CCDC14: variants seen among roughly 807,000 people sequenced by gnomAD.
The protein encoded by CCDC14 is coiled-coil domain containing 14.
In CCDC14, 71 loss-of-function variants were observed where a neutral mutation model predicts 81.4. That is an observed-to-expected ratio of 0.87 (90% confidence interval 0.72 to 1.06). The LOEUF is 1.06. Ranked by LOEUF, CCDC14 falls within the 50% of genes least tolerant of loss-of-function variation. CCDC14 has a pLI of 0.00. For synonymous variants in CCDC14, 332 were observed against 364.8 expected (o/e 0.91, Z 1.03); for missense variants, 1,046 against 1,047.3 (o/e 1.00, Z 0.02).
intron 12 of CCDC14, among the ~76,000 whole-genome samples, chr3:123,923,495 T>C (rs2148820192): frequency 6.6e-6 from 1 of 152,170 alleles, no homozygotes; most frequent in Non-Finnish European, 1.5e-5. Context: ...ATTGTCTGTT[T>C]GCTGACACGA....
chr3:123,886,823 T>A, the CCDC14 span, among the ~76,000 whole-genome samples: 1 of 152,204 alleles, frequency 6.6e-6, no homozygotes, highest in Non-Finnish European at 1.5e-5. Context: ...AATACTTCAT[T>A]TTTTTATATT....
intron 9 of CCDC14, among the ~76,000 whole-genome samples, chr3:123,938,247 C>A (rs771132948): frequency 2.0e-5 from 3 of 151,842 alleles, no homozygotes; most frequent in Non-Finnish European, 2.9e-5. Flanking sequence ...TTAAGTCTTA[C>A]ATTTATGGAT....
In CCDC14 at chr3:123,961,221, G is replaced by C. The variant is rs1400827357; in HGVS notation, c.-48C>G. On this transcript the variant is annotated 5_prime_UTR_variant, in exon 1 of 13. Transcript: ENST00000409697. Reference sequence around the variant, plus strand: ...CAGACCGAGGGAAGTGAAGCCTCACGGTAAAAAGAATTAACCGCCGTGGGC... The same window carrying C: ...CAGACCGAGGGAAGTGAAGCCTCACCGTAAAAAGAATTAACCGCCGTGGGC... The C allele has an allele frequency of 5.8e-6, 9 of 1,551,366 alleles. No individual in the cohort carries two copies. In the Admixed American group the frequency reaches 9.8e-5, roughly 17 times the overall value.
chr3:123,934,919 C>T (rs912702245), intron 9 of CCDC14, among the ~76,000 whole-genome samples: 3 of 151,980 alleles, frequency 2.0e-5, no homozygotes, highest in Admixed American at 6.6e-5. Flanking sequence ...ATCTTGAAGT[C>T]GGGAAGGCAT....
chr3:123,912,269 G>A (rs534437948), downstream of CCDC14, among the ~76,000 whole-genome samples: 36 of 152,256 alleles, frequency 2.4e-4, no homozygotes, highest in African/African-American at 8.2e-4. Flanking sequence ...CATCTGAAAG[G>A]GCTGAGAGGG....
At chr3:123,927,261 A>AG (rs778008625) in intron 12 of CCDC14, among the ~76,000 whole-genome samples, 29 of 151,374 alleles carry the variant, frequency 1.9e-4, no homozygotes, top group Non-Finnish European at 3.4e-4. Context: ...AAAAAAAAAA[A>AG]AAAAAAATAG....
At position 123,949,183 on chromosome 3, in the gene CCDC14, T is replaced by A. The variant is rs1332459824; in HGVS notation, c.353-51A>T. The A allele has an allele frequency of 2.6e-6, 3 of 1,164,966 alleles. No individual in the cohort carries two copies. The African/African-American group carries it at 4.6e-5, about 18-fold the overall frequency. 72.2% of individuals were successfully genotyped at this position (1,164,966 alleles called of 1,614,324 possible). A position where few individuals can be genotyped will look rare whatever the true frequency, so the allele number is the denominator to read the frequency against. ...TTGAAATATGATTCTTCAAAAACTT[T>A]TACCGTAAGATTTTAAGAGAAGAAA... On this transcript the variant is annotated intron_variant, in intron 5 of 12. Coordinates refer to ENST00000409697, the MANE Select transcript of CCDC14 (RefSeq NM_001366335.1).
chr3:123,894,049 T>C (rs536218394), downstream of CCDC14, among the ~76,000 whole-genome samples: 1 of 152,340 alleles, frequency 6.6e-6, no homozygotes, highest in South Asian at 2.1e-4. Flanking sequence ...CTAAATCCAA[T>C]ATTTCATAAA....
At chr3:123,896,111 A>G (rs1247001126), downstream of CCDC14, among the ~76,000 whole-genome samples, 3 of 152,234 alleles carry the variant, frequency 2.0e-5, no homozygotes, top group Non-Finnish European at 4.4e-5. Context: ...TTTAACCGCC[A>G]ATGTGGCAGT....
chr3:123,944,202 T>C (rs1404650903), intron 9 of CCDC14, among the ~76,000 whole-genome samples: 1 of 152,152 alleles, frequency 6.6e-6, no homozygotes, highest in Non-Finnish European at 1.5e-5. Context: ...CATTTGGTCA[T>C]ATAAGTGTTC....
At chr3:123,885,478 CT>C in the CCDC14 span, among the ~76,000 whole-genome samples, 76 of 146,360 alleles carry the variant, frequency 5.2e-4, no homozygotes, top group South Asian at 0.011. Flanking sequence ...TCCCCCCACT[CT>C]TTTTTTTTTT....
intron 9 of CCDC14, among the ~76,000 whole-genome samples, chr3:123,937,891 T>C (rs2036144568): frequency 6.6e-6 from 1 of 151,846 alleles, no homozygotes; most frequent in Non-Finnish European, 1.5e-5. Context: ...TCTCTCATTG[T>C]TTCAGCACTA....
intron 12 of CCDC14, among the ~76,000 whole-genome samples, chr3:123,926,752 T>C (rs752593349): frequency 1.3e-5 from 2 of 152,100 alleles, no homozygotes; most frequent in Non-Finnish European, 2.9e-5. Context: ...ACCTTGTACA[T>C]GTACCTTTCA....
intron 9 of CCDC14, among the ~76,000 whole-genome samples, chr3:123,940,952 G>T (rs903859118): frequency 1.3e-5 from 2 of 152,052 alleles, no homozygotes; most frequent in Non-Finnish European, 2.9e-5. Context: ...CCATCTGGAA[G>T]AATTATGCTA....
chr3:123,957,047 C>A (rs1344169708), intron 1 of CCDC14: 1 of 270,860 alleles, frequency 3.7e-6, no homozygotes, highest in Non-Finnish European at 6.9e-6. Flanking sequence ...TCTTTTGTGA[C>A]TGGCTTATTT....
At chr3:123,943,174 A>G (rs1041323102) in intron 9 of CCDC14, among the ~76,000 whole-genome samples, 2 of 151,910 alleles carry the variant, frequency 1.3e-5, no homozygotes, top group African/African-American at 2.4e-5. Context: ...GTTTTCATTC[A>G]CAGTTCCTGG....
chr3:123,915,124 T>C lies in CCDC14; in HGVS notation c.2373A>G (p.Glu791=), dbSNP rs1166192217. The change falls in exon 13 of 13, where the codon GAA becomes GAG. Residue 791 remains glutamate, a synonymous_variant. Coordinates refer to ENST00000409697, the MANE Select transcript of CCDC14 (RefSeq NM_001366335.1). ...CTCTGGAAAGTTTTTCAGGTGCATCTTCTGCTTCCTTTGTTGAAGAGGAAC... is the reference window on the plus strand; with the variant it reads ...CTCTGGAAAGTTTTTCAGGTGCATCCTCTGCTTCCTTTGTTGAAGAGGAAC... ...VICSSSTKEA[E]DAPEKLSRAS... The C allele has an allele frequency of 2.5e-6, 4 of 1,613,794 alleles. No individual in the cohort carries two copies. The highest frequency in any genetic ancestry group is 3.4e-6 in the Non-Finnish European group (4 of 1,179,842).
At chr3:123,891,567 A>G in the CCDC14 span, among the ~76,000 whole-genome samples, 1 of 152,210 alleles carries the variant, frequency 6.6e-6, no homozygotes, top group East Asian at 1.9e-4. Flanking sequence ...CTAAAACATA[A>G]CAAGAGTCAC....
At chr3:123,932,190 C>T (rs1019102679) in intron 10 of CCDC14, among the ~76,000 whole-genome samples, 1 of 152,084 alleles carries the variant, frequency 6.6e-6, no homozygotes, top group Non-Finnish European at 1.5e-5. Flanking sequence ...GAGCTGATAA[C>T]AAACAAGTAA....
Sources: gnomAD v4.1 joint callset for allele counts (sites outside exome capture counted in the v4.1 genomes callset) on GRCh38, gnomAD v4.1.1 for gene constraint, MANE v1.5 for transcripts, NCBI Gene and HGNC (gene_info 2026-07-23, HGNC 2026-07-21) for gene names.